ZBTB38: variants seen among roughly 807,000 people sequenced by gnomAD.
ZBTB38 encodes zinc finger and BTB domain containing 38, also known as zinc finger and BTB domain-containing protein 38.
A neutral mutation model predicts 76.8 loss-of-function variants in ZBTB38; 20 were observed. That is an observed-to-expected ratio of 0.26 (90% confidence interval 0.18 to 0.38). The LOEUF (loss-of-function observed/expected upper bound fraction) is 0.38. Ranked by LOEUF, ZBTB38 falls within the 10% of genes least tolerant of loss-of-function variation. ZBTB38 has a pLI of 1.00. For missense variants in ZBTB38, 1,082 were observed against 1,482.3 expected, an observed-to-expected ratio of 0.73 and a Z score of 4.43; for synonymous variants, 504 against 544.2, an observed-to-expected ratio of 0.93 and a Z score of 1.03.
chr3:141,409,837 A>C (rs140395005), intron 5 of ZBTB38, among the ~76,000 whole-genome samples: 43 of 152,296 alleles, frequency 2.8e-4, no homozygotes, highest in African/African-American at 9.9e-4. Flanking sequence ...TCCTTGGGGG[A>C]TTGCCCAGAG....
At chr3:141,424,244 T>C (rs894331620) in intron 5 of ZBTB38, among the ~76,000 whole-genome samples, 5 of 152,166 alleles carry the variant, frequency 3.3e-5, no homozygotes, top group Non-Finnish European at 5.9e-5. Flanking sequence ...GCCAGCTTGG[T>C]GTGGTGGCTC....
At chr3:141,399,987 C>CTTTTTTT (rs557587979) in intron 4 of ZBTB38, among the ~76,000 whole-genome samples, 19 of 80,464 alleles carry the variant, frequency 2.4e-4, no homozygotes, top group Admixed American at 4.6e-4. Context: ...GAAAGTCTTG[C>CTTTTTTT]TTTTTTTTTT....
intron 1 of ZBTB38, among the ~76,000 whole-genome samples, chr3:141,359,636 TA>T (rs1943763703): frequency 6.6e-6 from 1 of 151,922 alleles, no homozygotes; most frequent in African/African-American, 2.4e-5. Flanking sequence ...CAGTAATCAA[TA>T]AAAAGATAAT....
chr3:141,445,837 A>G lies in ZBTB38; in HGVS notation c.3449A>G (p.Lys1150Arg), dbSNP rs746758199. The G allele has an allele frequency of 1.1e-5, 18 of 1,614,034 alleles. No homozygotes were observed. The Admixed American group carries it at 1.2e-4, about 10-fold the overall frequency. ...ATGCACCAAAAGAAACACTTATTCA[A>G]AAGCCCAAGTCAGCAGGAGAAAATA... is the stretch of plus-strand genomic sequence containing the variant. ...LGMHQKKHLF[K>R]SPSQQEKIGD... The change falls in exon 6 of 6, where the codon AAA becomes AGA. Residue 1150 changes from lysine (K) to arginine (R), a missense_variant. By Grantham distance (26) the Lys-to-Arg change is conservative. Coordinates refer to ENST00000321464, the MANE Select transcript of ZBTB38 (RefSeq NM_001376113.1). This position sits in a 1 kb window ranked among gnomAD's most constrained non-coding sequence, Gnocchi z 6.5.
At chr3:141,388,867 C>A (rs1947934375) in intron 4 of ZBTB38, 1 of 152,136 alleles carries the variant, frequency 6.6e-6, no homozygotes, top group African/African-American at 2.4e-5. Flanking sequence ...TCAGTACTTT[C>A]AAAATTAAGG....
At chr3:141,407,758 G>A (rs749587423) in intron 5 of ZBTB38, among the ~76,000 whole-genome samples, 21 of 152,264 alleles carry the variant, frequency 1.4e-4, no homozygotes, top group Non-Finnish European at 2.9e-4. Context: ...CTGCGAAGCA[G>A]AGGAAGAGAT....
chr3:141,439,857 A>G (rs1016615614), intron 5 of ZBTB38, among the ~76,000 whole-genome samples: 23 of 152,206 alleles, frequency 1.5e-4, no homozygotes, highest in African/African-American at 5.5e-4. Context: ...CAAACATGAT[A>G]AAAATATATG....
chr3:141,383,197 G>A (rs1326715422), intron 3 of ZBTB38, among the ~76,000 whole-genome samples: 1 of 152,166 alleles, frequency 6.6e-6, no homozygotes, highest in Non-Finnish European at 1.5e-5. Context: ...AGATGTAGAT[G>A]TTCAAAGTAG....
intron 1 of ZBTB38, among the ~76,000 whole-genome samples, chr3:141,347,484 C>T (rs185612809): frequency 9.6e-4 from 146 of 152,310 alleles, no homozygotes; most frequent in Non-Finnish European, 1.4e-3. Context: ...GGAAGGACCA[C>T]GCTGTGTAAA....
chr3:141,378,876 TGGTGAAAATCAA>T (rs1418560285), intron 2 of ZBTB38, among the ~76,000 whole-genome samples: 1 of 152,212 alleles, frequency 6.6e-6, no homozygotes, highest in Non-Finnish European at 1.5e-5. Context: ...AATGGTCTCA[TGGTGAAAATCAA>T]GGACAAATCA....
chr3:141,445,203 T>C lies in ZBTB38; in HGVS notation c.2815T>C (p.Trp939Arg). 6.2e-7 allele frequency: 1 copy of C among 1,613,238 alleles called. No homozygotes were observed. The highest frequency in any genetic ancestry group is 1.3e-5 in the African/African-American group (1 of 74,778). ...RQLKKMRKVN[W>R]RKEHGNRSPS... ...GTTGAAAAAAATGAGGAAAGTCAACTGGAGGAAGGAGCACGGAAACAGGAG... is the reference window on the plus strand; with the variant it reads ...GTTGAAAAAAATGAGGAAAGTCAACCGGAGGAAGGAGCACGGAAACAGGAG... Residue 939 changes from tryptophan (W) to arginine (R), a missense_variant, in exon 6 of 6, where the codon TGG becomes CGG. By Grantham distance (101) the Trp-to-Arg change is moderately radical (BLOSUM62 -3). Around this residue, in one of 8 missense-constraint regions of ZBTB38, gnomAD observed 471 missense variants for 581.0 expected, o/e 0.81. Transcript: ENST00000321464. This position sits in a 1 kb window ranked among gnomAD's most constrained non-coding sequence, Gnocchi z 6.5.
intron 5 of ZBTB38, among the ~76,000 whole-genome samples, chr3:141,406,766 C>CT (rs1954625798): frequency 6.6e-6 from 1 of 152,082 alleles, no homozygotes; most frequent in Non-Finnish European, 1.5e-5. Context: ...TGGAGGAATG[C>CT]AACTCCAGAA....
intron 1 of ZBTB38, among the ~76,000 whole-genome samples, chr3:141,340,971 AAAGAAAGAAAGAAAGAAAGAGAAAG>A (rs1452658955): frequency 1.4e-5 from 2 of 146,932 alleles, no homozygotes; most frequent in South Asian, 2.2e-4. Flanking sequence ...AGAAAGAAAG[AAAGAAAGAAAGAAAGAAAGAGAAAG>A]AAGAAAGAAA....
At chr3:141,433,755 G>C (rs1230072613) in intron 5 of ZBTB38, among the ~76,000 whole-genome samples, 11 of 152,196 alleles carry the variant, frequency 7.2e-5, no homozygotes, top group Non-Finnish European at 1.5e-4. Context: ...GTGGTATGCT[G>C]TTTTAGTTGA....
chr3:141,419,057 TTTAA>T (rs1335782788), intron 5 of ZBTB38, among the ~76,000 whole-genome samples: 1 of 151,846 alleles, frequency 6.6e-6, no homozygotes, highest in Non-Finnish European at 1.5e-5. Context: ...AGAAAAGAGG[TTTAA>T]TTGACTCACA....
At chr3:141,356,397 T>G (rs545888786) in intron 1 of ZBTB38, among the ~76,000 whole-genome samples, 1 of 152,108 alleles carries the variant, frequency 6.6e-6, no homozygotes, top group South Asian at 2.1e-4. Flanking sequence ...CTTTTCTCAC[T>G]CATACAAAAG....
chr3:141,370,843 T>TC (rs1944442017), intron 2 of ZBTB38, among the ~76,000 whole-genome samples: 1 of 152,040 alleles, frequency 6.6e-6, no homozygotes, highest in Non-Finnish European at 1.5e-5. Flanking sequence ...AGAATTCTGC[T>TC]CCCCCAACTA....
At chr3:141,385,160 A>T (rs1159898221) in intron 3 of ZBTB38, among the ~76,000 whole-genome samples, 3 of 152,174 alleles carry the variant, frequency 2.0e-5, no homozygotes, top group Non-Finnish European at 4.4e-5. Flanking sequence ...AAAACTAGCA[A>T]CCCCAGAAAA....
intron 3 of ZBTB38, chr3:141,384,945 C>T (rs544531946): frequency 6.6e-6 from 1 of 152,338 alleles, no homozygotes; most frequent in South Asian, 2.1e-4. Flanking sequence ...GGGCAGGGTA[C>T]ATTCCATACA....
Sources: gnomAD v4.1 joint callset for allele counts (sites outside exome capture counted in the v4.1 genomes callset) on GRCh38, gnomAD v4.1.1 for gene constraint, gnomAD v4.1.1 regional missense constraint, Gnocchi (gnomAD v3.1) non-coding constraint, MANE v1.5 for transcripts, NCBI Gene and HGNC (gene_info 2026-07-23, HGNC 2026-07-21) for gene names.